The following TNS3 variants were observed in gnomAD, a reference collection of about 807,000 sequenced individuals.
The protein encoded by TNS3 is tensin-3.
In TNS3, 45 loss-of-function variants were observed where a neutral mutation model predicts 140.9. That is an observed-to-expected ratio of 0.32 (90% CI 0.25 to 0.41). TNS3 has a LOEUF of 0.41. Ranked by LOEUF, TNS3 falls within the 10% of genes least tolerant of loss-of-function variation. The probability of loss-of-function intolerance (pLI) is 1.00; values close to 1 mark genes in which losing one functional copy is unlikely to be tolerated. For missense variants in TNS3, 1,716 were observed against 1,906.7 expected (o/e 0.90, Z 1.86); for synonymous variants, 815 against 788.4 (o/e 1.03, Z -0.56).
rs557932202 is a variant in TNS3, at chr7:47,455,256, C to T, written c.-75-13201G>A. The stretch of plus-strand genomic sequence containing the variant: ...GGCTGAGGGAAGGGCCTAATTCACC[C>T]ACCCCAGCCTGGCCAACTCTGATGG... On this transcript the variant is annotated intron_variant, in intron 4 of 30. Transcript: ENST00000311160. Among the ~76,000 whole-genome samples, 3 of 152,230 alleles carry T rather than the reference C, an allele frequency of 2.0e-5. No individual in the cohort carries two copies. The South Asian group carries it at 6.2e-4, about 32-fold the overall frequency.
In TNS3 at chr7:47,368,837, G is replaced by A. The variant is rs747295105; in HGVS notation, c.1809C>T (p.Phe603=). Residue 603 remains phenylalanine, a synonymous_variant, in exon 17 of 31, where the codon TTC becomes TTT. Transcript: ENST00000311160. ...CCAGCCGGGCCTCCCCATCTGGGGC[G>A]AAGCTATACTGGTGAGCTACAACCA... ...QQMVVAHQYS[F]APDGEARLVS... 7.4e-6 allele frequency: 12 copies of A among 1,613,156 alleles called. No homozygotes were observed. Among genetic ancestry groups the A allele is most frequent in the South Asian group, 1.1e-5 (1 of 91,034 alleles).
intron 3 of TNS3, among the ~76,000 whole-genome samples, chr7:47,495,118 GAGGCGGAGCTTGC>G (rs775294001): frequency 9.9e-5 from 15 of 151,430 alleles, no homozygotes; most frequent in African/African-American, 3.2e-4. Context: ...GTGAACCCGG[GAGGCGGAGCTTGC>G]AGTGAGCCGA....
Position 47,303,135 on chromosome 7 carries a change from G to C in TNS3, c.3272C>G (p.Thr1091Ser). Residue 1091 changes from threonine to serine, a missense_variant, in exon 22 of 31, where the codon ACC (threonine) becomes AGC (serine). Thr to Ser is a moderately conservative substitution (Grantham distance 58). Transcript: ENST00000311160. ...HSPGLQGQGVTLPGQPPLPEK... is the reference protein window; with the variant it reads ...HSPGLQGQGVSLPGQPPLPEK... ...AGGGAGGGGTGGCTGCCCGGGCAGG[G>C]TCACACCCTGGCCCTGCAGGCCTGG... 6.2e-7 allele frequency: 1 copy of C among 1,613,982 alleles called. No individual in the cohort carries two copies. The highest frequency in any genetic ancestry group is 8.5e-7 in the Non-Finnish European group (1 of 1,179,944).
rs1207512754 is a variant in TNS3, at chr7:47,467,353, T to C, written c.-76+13750A>G. On this transcript the variant is annotated intron_variant, in intron 4 of 30. Coordinates refer to ENST00000311160, the MANE Select transcript of TNS3 (RefSeq NM_022748.12). The stretch of plus-strand genomic sequence containing the variant: ...TCATCCAATTAAACATGTTTCTCCT[T>C]ATTCTTTCTCTACGATTGAGTCTCC... 2.0e-5 allele frequency among the ~76,000 whole-genome samples: 3 copies of C among 152,236 alleles called. 1 individual carries two copies. In the South Asian group the frequency reaches 6.2e-4, roughly 32 times the overall value.
chr7:47,389,004 AAGAAGAAGAAGAAGAAGAAGAAGAAG>A (rs1562674297), intron 16 of TNS3, among the ~76,000 whole-genome samples: 2,204 of 56,746 alleles, frequency 0.039, 421 homozygotes, highest in Admixed American at 0.098. Flanking sequence ...AAGAAGAAGG[AAGAAGAAGAAGAAGAAGAAGAAGAAG>A]AAGAAGAAGA....
At chr7:47,406,514 A>AG (rs1426142600) in intron 13 of TNS3, among the ~76,000 whole-genome samples, 1 of 152,220 alleles carries the variant, frequency 6.6e-6, no homozygotes, top group Non-Finnish European at 1.5e-5. Flanking sequence ...GGCAGACACC[A>AG]GAACCACGGA....
intron 1 of TNS3, among the ~76,000 whole-genome samples, chr7:47,554,239 G>A (rs1266691398): frequency 2.0e-5 from 3 of 149,458 alleles, no homozygotes; most frequent in African/African-American, 4.9e-5. Context: ...CCAACATGGT[G>A]AAACCCTGTC....
chr7:47,565,705 T>TG (rs920258874), intron 1 of TNS3, among the ~76,000 whole-genome samples: 1 of 152,074 alleles, frequency 6.6e-6, no homozygotes, highest in Admixed American at 6.6e-5. Context: ...AGCCAGTAGG[T>TG]GGGGGACAAA....
chr7:47,461,069 G>GA (rs200748048), intron 4 of TNS3, among the ~76,000 whole-genome samples: 20 of 151,934 alleles, frequency 1.3e-4, no homozygotes, highest in South Asian at 6.2e-4. Context: ...TGCTGGAGTT[G>GA]AAAAAAAACG....
intron 3 of TNS3, among the ~76,000 whole-genome samples, chr7:47,494,774 C>G (rs1317880476): frequency 1.3e-5 from 2 of 152,050 alleles, no homozygotes; most frequent in African/African-American, 4.8e-5. Context: ...GCCCCGCGAG[C>G]TATTTCTGTG....
intron 2 of TNS3, among the ~76,000 whole-genome samples, chr7:47,512,463 G>T (rs1486021620): frequency 6.6e-6 from 1 of 152,190 alleles, no homozygotes; most frequent in African/African-American, 2.4e-5. Context: ...GCAATAAAAA[G>T]ATAAAATTAC....
intron 11 of TNS3, 149 bp downstream of exon 11, chr7:47,414,945 G>A (rs965570595): frequency 1.6e-6 from 1 of 630,596 alleles, no homozygotes. Context: ...ACCACTGAAG[G>A]GGGACCCAGT....
intron 13 of TNS3, among the ~76,000 whole-genome samples, chr7:47,410,744 A>C (rs892970661): frequency 6.6e-6 from 1 of 152,378 alleles, no homozygotes; most frequent in Non-Finnish European, 1.5e-5. Flanking sequence ...GAGTCACCCT[A>C]CTGCCTTATA....
chr7:47,485,879 A>G (rs1005298137), intron 3 of TNS3, among the ~76,000 whole-genome samples: 1 of 152,232 alleles, frequency 6.6e-6, no homozygotes, highest in East Asian at 1.9e-4. Flanking sequence ...GCAGAGGGAC[A>G]AGTGCTTGCC....
chr7:47,539,801 A>G (rs13222792), intron 1 of TNS3, among the ~76,000 whole-genome samples: 1,927 of 152,328 alleles, frequency 0.013, 19 homozygotes, highest in Non-Finnish European at 0.023. Context: ...AGCACCAAGC[A>G]GGAGCAATAA....
intron 4 of TNS3, among the ~76,000 whole-genome samples, chr7:47,462,370 C>G (rs1796525531): frequency 6.6e-6 from 1 of 152,178 alleles, no homozygotes; most frequent in Admixed American, 6.5e-5. Context: ...GAGCAAGGAA[C>G]CCTTATCATC....
At chr7:47,473,281 T>G (rs1584734497) in intron 4 of TNS3, among the ~76,000 whole-genome samples, 1 of 152,346 alleles carries the variant, frequency 6.6e-6, no homozygotes, top group Middle Eastern at 3.4e-3. Context: ...AACACCTGGA[T>G]GCTGATCTAA....
intron 13 of TNS3, among the ~76,000 whole-genome samples, chr7:47,411,405 G>T (rs1793758414): frequency 6.6e-6 from 1 of 152,092 alleles, no homozygotes; most frequent in Non-Finnish European, 1.5e-5. Flanking sequence ...CCTAAGGAGT[G>T]TGCAACCTAG....
chr7:47,389,606 C>CT (rs1409078297), intron 16 of TNS3, among the ~76,000 whole-genome samples: 1 of 12,308 alleles, frequency 8.1e-5, no homozygotes, highest in African/African-American at 1.1e-4. Context: ...CAATGCCACC[C>CT]TCCTCTTCTG....
Sources: gnomAD v4.1 joint callset for allele counts (sites outside exome capture counted in the v4.1 genomes callset) on GRCh38, gnomAD v4.1.1 for gene constraint, MANE v1.5 for transcripts, NCBI Gene and HGNC (gene_info 2026-07-23, HGNC 2026-07-21) for gene names.